AHRR: variants seen among roughly 807,000 people sequenced by gnomAD.
AHRR encodes ahR repressor.
AHRR carries 28 observed loss-of-function variants against 44.0 expected under a neutral mutation model. The observed-to-expected ratio is 0.64, with a 90% CI of 0.47 to 0.87. AHRR has a LOEUF of 0.87. Ranked by LOEUF, AHRR falls within the 40% of genes least tolerant of loss-of-function variation. AHRR has a pLI of 0.00. For synonymous variants in AHRR, 434 were observed against 407.0 expected (o/e 1.07, Z -0.80); for missense variants, 990 against 953.9 (o/e 1.04, Z -0.50).
chr5:398,716 G>A (rs1734878620), intron 4 of AHRR, among the ~76,000 whole-genome samples: 1 of 152,236 alleles, frequency 6.6e-6, no homozygotes, highest in Non-Finnish European at 1.5e-5. Context: ...ACTGGGAGGA[G>A]GCATTGCCGT....
chr5:353,924 C>A lies in AHRR; in HGVS notation c.244+13C>A, dbSNP rs755083740. The A allele has an allele frequency of 4.4e-6, 7 of 1,604,480 alleles. No homozygotes were observed. The Admixed American group carries it at 8.4e-5, about 19-fold the overall frequency. On this transcript the variant is annotated intron_variant, in intron 3 of 10. Transcript: ENST00000684583. ...AGCTTCTTCCAAGGTAGGACTCTCACCTGCTCCCACCTGTTCACTTGAGTC... is the reference window on the plus strand; with the variant it reads ...AGCTTCTTCCAAGGTAGGACTCTCAACTGCTCCCACCTGTTCACTTGAGTC...
intron 4 of AHRR, among the ~76,000 whole-genome samples, chr5:392,819 C>T (rs1734529768): frequency 1.3e-5 from 2 of 152,082 alleles, no homozygotes; most frequent in African/African-American, 2.4e-5. Flanking sequence ...TGCCTCAGGC[C>T]TTACCGTGGC....
At chr5:432,394 A>G in intron 8 of AHRR, 69 bp from the exon 9 acceptor site, 1 of 1,473,930 alleles carries the variant, frequency 6.8e-7, no homozygotes, top group Non-Finnish European at 9.5e-7. Context: ...CTACCATCAA[A>G]ACATGTTTCA....
chr5:425,578 A>G (rs1433927573), intron 7 of AHRR, among the ~76,000 whole-genome samples: 1 of 152,206 alleles, frequency 6.6e-6, no homozygotes, highest in East Asian at 1.9e-4. Context: ...TTGGCTAAGG[A>G]ATGTTGTTCG....
At chr5:376,553 G>GACAGGA in intron 3 of AHRR, 57 bp from the exon 4 acceptor site, 1 of 298,212 alleles carries the variant, frequency 3.4e-6, no homozygotes, top group Non-Finnish European at 5.4e-6. Flanking sequence ...TGTGAATGAA[G>GACAGGA]AAGAGTGGCC....
At chr5:367,225 G>A (rs1470858978) in intron 3 of AHRR, among the ~76,000 whole-genome samples, 3 of 152,242 alleles carry the variant, frequency 2.0e-5, no homozygotes, top group Non-Finnish European at 2.9e-5. Flanking sequence ...CTGGGGGGAA[G>A]AGCAAGTGCC....
intron 2 of AHRR, among the ~76,000 whole-genome samples, chr5:346,821 C>T (rs1742693863): frequency 6.6e-6 from 1 of 152,230 alleles, no homozygotes; most frequent in Non-Finnish European, 1.5e-5. Flanking sequence ...ATGATGAACA[C>T]GCGGAAGCTC....
At position 324,361 on chromosome 5, in the gene AHRR, G is replaced by A. The variant is rs192467650; in HGVS notation, c.-11+2542G>A. Among the ~76,000 whole-genome samples the A allele has an allele frequency of 4.6e-5, 7 of 150,586 alleles. 1 individual carries two copies. Among genetic ancestry groups the A allele is most frequent in the South Asian group, 2.1e-4 (1 of 4,658 alleles). On this transcript the variant is annotated intron_variant, in intron 1 of 10. Transcript: ENST00000684583. ...TGGGATTACAGACATGAGCCACCAC[G>A]CCCAGCCGCCTAGCTGTTTCAATGC...
intron 3 of AHRR, 85 bp from the exon 4 acceptor site, chr5:376,525 G>A (rs1486809456): frequency 3.9e-5 from 55 of 1,427,498 alleles, no homozygotes; most frequent in African/African-American, 5.9e-5. Context: ...GGGTGAACGC[G>A]GGGAAACACA....
chr5:330,869 A>ATT (rs34221385), intron 1 of AHRR, among the ~76,000 whole-genome samples: 1,890 of 97,404 alleles, frequency 0.019, 178 homozygotes, highest in African/African-American at 0.07. Flanking sequence ...ATAATTCAGC[A>ATT]TTTTTTTTTT....
At chr5:424,693 T>G (rs1736307322) in intron 7 of AHRR, among the ~76,000 whole-genome samples, 1 of 152,192 alleles carries the variant, frequency 6.6e-6, no homozygotes, top group South Asian at 2.1e-4. Context: ...GCTGGCAAAC[T>G]GGGAGAGCCT....
intron 4 of AHRR, among the ~76,000 whole-genome samples, chr5:398,707 C>T (rs1295603583): frequency 6.6e-6 from 1 of 152,190 alleles, no homozygotes; most frequent in Non-Finnish European, 1.5e-5. Flanking sequence ...GCTGCCGACA[C>T]TGGGAGGAGG....
chr5:380,826 A>G (rs1733950199), intron 4 of AHRR, among the ~76,000 whole-genome samples: 1 of 152,252 alleles, frequency 6.6e-6, no homozygotes, highest in Non-Finnish European at 1.5e-5. Flanking sequence ...ATTGGCTTAC[A>G]TGATCACAGA....
intron 5 of AHRR, chr5:420,906 G>GCACAGACC (rs1736071316): frequency 1.6e-5 from 2 of 121,668 alleles, no homozygotes; most frequent in Non-Finnish European, 1.4e-5. Context: ...CACGCAGCAC[G>GCACAGACC]CACGCATCCA....
chr5:416,987 C>T (rs1263885016), intron 5 of AHRR, among the ~76,000 whole-genome samples: 1 of 150,470 alleles, frequency 6.6e-6, no homozygotes. Flanking sequence ...ATGTGCAGGG[C>T]CCGAGTCTAG....
At chr5:353,079 G>A (rs905249401) in intron 2 of AHRR, among the ~76,000 whole-genome samples, 1 of 152,120 alleles carries the variant, frequency 6.6e-6, no homozygotes, top group African/African-American at 2.4e-5. Context: ...CTTTTTGTGG[G>A]TAGAGCAGGC....
At chr5:354,236 T>C (rs906252433) in intron 3 of AHRR, among the ~76,000 whole-genome samples, 1 of 152,236 alleles carries the variant, frequency 6.6e-6, no homozygotes, top group African/African-American at 2.4e-5. Context: ...AGGGAGGGGC[T>C]GGGGCTGTTC....
In AHRR at chr5:433,916, G is replaced by A; in HGVS notation, c.1176G>A (p.Glu392=). 1 of 1,524,424 alleles carries A rather than the reference G, an allele frequency of 6.6e-7. No individual in the cohort carries two copies. The highest frequency in any genetic ancestry group is 8.8e-7 in the Non-Finnish European group (1 of 1,136,654). 94.4% of individuals were successfully genotyped at this position (1,524,424 alleles called of 1,614,324 possible). The change falls in exon 11 of 11, where the codon GAG becomes GAA. Residue 392 remains glutamate (E), a synonymous_variant. Coordinates refer to ENST00000684583, the MANE Select transcript of AHRR (RefSeq NM_001377236.1). ...SRASGVTGRR[E]TPGPTKPLPW... ...CCTCTGGAGTGACAGGGCGGAGGGA[G>A]ACTCCAGGACCCACAAAGCCCCTGC...
rs1187135113 is a variant in AHRR, at chr5:419,267, C to T, written c.442-3462C>T. ...GCAACCTCTGCCTCCTGGGTTCAAGCAAGTCTCCTGCCTCAGCCTCCTGAG... is the reference window on the plus strand; with the variant it reads ...GCAACCTCTGCCTCCTGGGTTCAAGTAAGTCTCCTGCCTCAGCCTCCTGAG... On this transcript the variant is annotated intron_variant, in intron 5 of 10. Transcript: ENST00000684583. The surrounding 1 kb of genome is among the most constrained non-coding windows in gnomAD (Gnocchi z 4.4). 6.6e-6 allele frequency among the ~76,000 whole-genome samples: 1 copy of T among 151,458 alleles called. No individual in the cohort carries two copies. Among genetic ancestry groups the T allele is most frequent in the Non-Finnish European group, 1.5e-5 (1 of 67,980 alleles).
Sources: gnomAD v4.1 joint callset for allele counts (sites outside exome capture counted in the v4.1 genomes callset) on GRCh38, gnomAD v4.1.1 for gene constraint, Gnocchi (gnomAD v3.1) non-coding constraint, MANE v1.5 for transcripts, NCBI Gene and HGNC (gene_info 2026-07-23, HGNC 2026-07-21) for gene names.